YPEL2: variants seen among roughly 807,000 people sequenced by gnomAD.
The protein encoded by YPEL2 is yippee like 2, also known as protein yippee-like 2.
A neutral mutation model predicts 19.1 loss-of-function variants in YPEL2; 2 were observed. The ratio of observed to expected loss-of-function variants is 0.10; its 90% CI spans 0.04 to 0.33. YPEL2 has a LOEUF of 0.33. Ranked by LOEUF, YPEL2 falls within the 10% of genes least tolerant of loss-of-function variation. The pLI is 1.00. For synonymous variants in YPEL2, 52 were observed against 50.0 expected (o/e 1.04, Z -0.17); for missense variants, 66 against 140.7 (o/e 0.47, Z 2.68).
intron 4 of YPEL2, among the ~76,000 whole-genome samples, chr17:59,396,120 G>T (rs980047785): frequency 6.6e-6 from 1 of 152,118 alleles, no homozygotes; most frequent in African/African-American, 2.4e-5. Context: ...GTTTTCTTAT[G>T]TTCTTAGAAA....
intron 4 of YPEL2, among the ~76,000 whole-genome samples, chr17:59,391,591 C>T (rs971242569): frequency 1.3e-5 from 2 of 151,772 alleles, no homozygotes; most frequent in Admixed American, 1.3e-4. Context: ...TCCCTGGAAA[C>T]ATTCAGGATT....
chr17:59,397,545 G>T lies in YPEL2; in HGVS notation c.*355G>T. On this transcript the variant is annotated 3_prime_UTR_variant, in exon 5 of 5. Transcript: ENST00000312655. ...CTGATGGCCTCTTGTCAGGAGAGCA[G>T]TGGCACGGGGGCGTGAGGAAGAGGG... is the stretch of plus-strand genomic sequence containing the variant. The T allele has an allele frequency of 5.5e-6, 1 of 180,456 alleles. No homozygotes were observed. The highest frequency in any genetic ancestry group is 1.2e-5 in the Non-Finnish European group (1 of 86,872). 11.2% of individuals were successfully genotyped at this position (180,456 alleles called of 1,614,324 possible). A position where few individuals can be genotyped will look rare whatever the true frequency, so the allele number is the denominator to read the frequency against.
intron 2 of YPEL2, among the ~76,000 whole-genome samples, chr17:59,387,790 G>T (rs2047988265): frequency 6.6e-6 from 1 of 152,224 alleles, no homozygotes; most frequent in South Asian, 2.1e-4. Flanking sequence ...AAACTGTCAT[G>T]GCACTTAGGA....
chr17:59,347,572 AG>A (rs1364284625), intron 1 of YPEL2, among the ~76,000 whole-genome samples: 1 of 152,256 alleles, frequency 6.6e-6, no homozygotes, highest in African/African-American at 2.4e-5. Context: ...AAGGCCTGCC[AG>A]GGCTGTATAA....
At chr17:59,355,000 C>G (rs2047805722) in intron 2 of YPEL2, 1 of 150,408 alleles carries the variant, frequency 6.6e-6, no homozygotes, top group Admixed American at 6.6e-5. Flanking sequence ...TTGGAAATCT[C>G]CAGAGAAATT....
chr17:59,397,671 A>G lies in YPEL2; in HGVS notation c.*481A>G, dbSNP rs1383113815. The G allele has an allele frequency of 6.5e-6, 1 of 152,932 alleles. No individual in the cohort carries two copies. Among genetic ancestry groups the G allele is most frequent in the Admixed American group, 6.5e-5 (1 of 15,300 alleles). The allele number at this position is 152,932 out of a possible 1,614,324, so 9.5% of individuals were successfully genotyped here. A position where few individuals can be genotyped will look rare whatever the true frequency, so the allele number is the denominator to read the frequency against. ...TGGAGACCTGATAACTTAGGCTTGA[A>G]ATAATTGACTTGTCTAAAAGGACAA... On this transcript the variant is annotated 3_prime_UTR_variant, in exon 5 of 5. Coordinates refer to ENST00000312655, the MANE Select transcript of YPEL2 (RefSeq NM_001005404.4).
Position 59,378,406 on chromosome 17 carries a change from G to A in YPEL2, c.118-9921G>A, listed in dbSNP as rs572217821. Among the ~76,000 whole-genome samples, 8 of 150,256 alleles carry A rather than the reference G, an allele frequency of 5.3e-5. 1 individual carries two copies. Among genetic ancestry groups the A allele is most frequent in the South Asian group, 4.2e-4 (2 of 4,758 alleles). On this transcript the variant is annotated intron_variant, in intron 2 of 4. Coordinates refer to ENST00000312655, the MANE Select transcript of YPEL2 (RefSeq NM_001005404.4). ...GTCACCCAGGTTGGAGTGCAGTGGC[G>A]TGATCTCAGCTCACTGCAACCTCCA...
At chr17:59,339,353 C>T (rs1335374340) in intron 1 of YPEL2, among the ~76,000 whole-genome samples, 1 of 152,146 alleles carries the variant, frequency 6.6e-6, no homozygotes, top group Non-Finnish European at 1.5e-5. Context: ...AAAGTTATCC[C>T]CACACTTAAC....
At chr17:59,361,417 G>A (rs1448956844) in intron 2 of YPEL2, among the ~76,000 whole-genome samples, 2 of 152,162 alleles carry the variant, frequency 1.3e-5, no homozygotes, top group African/African-American at 4.8e-5. Context: ...ATGCCTTCTT[G>A]AAGTTTCTAC....
At chr17:59,391,051 A>C (rs2048005023) in intron 4 of YPEL2, among the ~76,000 whole-genome samples, 2 of 152,314 alleles carry the variant, frequency 1.3e-5, no homozygotes, top group Non-Finnish European at 2.9e-5. Flanking sequence ...GCACGTGTAC[A>C]TCCATGCATT....
chr17:59,353,798 A>G lies in YPEL2; in HGVS notation c.117+272A>G, dbSNP rs1315484380. On this transcript the variant is annotated intron_variant, in intron 2 of 4. Transcript: ENST00000312655. This position sits in a 1 kb window ranked among gnomAD's most constrained non-coding sequence, Gnocchi z 4.8. ...AAGCCAGAGAAGGGAGGGGCTGGGG[A>G]TTGATGGGAGCCTTGTTCTCAGCTT... 2 of 425,900 alleles carry G rather than the reference A, an allele frequency of 4.7e-6. No homozygotes were observed. Among genetic ancestry groups the G allele is most frequent in the African/African-American group, 4.1e-5 (2 of 49,016 alleles). 26.4% of individuals were successfully genotyped at this position (425,900 alleles called of 1,614,324 possible). A position where few individuals can be genotyped will look rare whatever the true frequency, so the allele number is the denominator to read the frequency against.
intron 1 of YPEL2, among the ~76,000 whole-genome samples, chr17:59,332,832 G>GCTTTC (rs1397725658): frequency 6.6e-6 from 1 of 152,196 alleles, no homozygotes; most frequent in Admixed American, 6.5e-5. Context: ...TGGGGTTTTT[G>GCTTTC]CTTTCTGGCC....
At chr17:59,393,971 T>C (rs1357880538) in intron 4 of YPEL2, among the ~76,000 whole-genome samples, 11 of 152,336 alleles carry the variant, frequency 7.2e-5, no homozygotes, top group East Asian at 3.9e-4. Context: ...CCTTTCCCCC[T>C]TTTCTATTCC....
chr17:59,343,887 G>T (rs568837975), intron 1 of YPEL2, among the ~76,000 whole-genome samples: 1 of 152,168 alleles, frequency 6.6e-6, no homozygotes, highest in Non-Finnish European at 1.5e-5. Flanking sequence ...GGAAGCTGTC[G>T]CAGTAGTCCA....
intron 1 of YPEL2, among the ~76,000 whole-genome samples, chr17:59,337,737 A>G (rs538202777): frequency 1.3e-5 from 2 of 152,168 alleles, no homozygotes; most frequent in Non-Finnish European, 2.9e-5. Flanking sequence ...TTTGTTTTCT[A>G]TTAATTAGGT....
At chr17:59,366,377 A>G (rs1347215890) in intron 2 of YPEL2, among the ~76,000 whole-genome samples, 3 of 152,244 alleles carry the variant, frequency 2.0e-5, no homozygotes, top group Non-Finnish European at 4.4e-5. Flanking sequence ...AGCAACAAGG[A>G]TCTCCTTCCT....
chr17:59,393,359 A>C (rs2048017815), intron 4 of YPEL2, among the ~76,000 whole-genome samples: 1 of 150,414 alleles, frequency 6.6e-6, no homozygotes. Flanking sequence ...GCTGGTCTCA[A>C]ACCGGCCTCA....
chr17:59,360,771 C>T (rs1475999175), intron 2 of YPEL2, among the ~76,000 whole-genome samples: 1 of 152,048 alleles, frequency 6.6e-6, no homozygotes, highest in Non-Finnish European at 1.5e-5. Context: ...TGGTACCTTT[C>T]CTCCATAGGG....
At chr17:59,376,645 C>CT (rs2047922377) in intron 2 of YPEL2, among the ~76,000 whole-genome samples, 2 of 152,294 alleles carry the variant, frequency 1.3e-5, no homozygotes, top group South Asian at 2.1e-4. Flanking sequence ...AGTTACTTCA[C>CT]TTTGAGTTAC....
Sources: gnomAD v4.1 joint callset for allele counts (sites outside exome capture counted in the v4.1 genomes callset) on GRCh38, gnomAD v4.1.1 for gene constraint, Gnocchi (gnomAD v3.1) non-coding constraint, MANE v1.5 for transcripts, NCBI Gene and HGNC (gene_info 2026-07-23, HGNC 2026-07-21) for gene names.